NPAS3: variants seen among roughly 807,000 people sequenced by gnomAD.
NPAS3 encodes neuronal PAS domain-containing protein 3.
A neutral mutation model predicts 73.1 loss-of-function variants in NPAS3; 14 were observed. That is an observed-to-expected ratio of 0.19 (90% CI 0.13 to 0.30). NPAS3 has a LOEUF of 0.30. NPAS3 is among the 10% of genes least tolerant of loss of function. The pLI, the probability that NPAS3 is intolerant of heterozygous loss-of-function variation, is 1.00. For synonymous variants in NPAS3, 620 were observed against 541.5 expected, an observed-to-expected ratio of 1.14 and a Z score of -2.01; for missense variants, 1,096 against 1,250.0, an observed-to-expected ratio of 0.88 and a Z score of 1.86.
At chr14:33,664,169 A>T (rs1048533838) in intron 5 of NPAS3, among the ~76,000 whole-genome samples, 4 of 152,218 alleles carry the variant, frequency 2.6e-5, no homozygotes, top group Non-Finnish European at 5.9e-5. Flanking sequence ...ACCAAAACAG[A>T]TATACAGACC....
chr14:33,215,463 G>C (rs1445586163), intron 3 of NPAS3, 37 bp downstream of exon 3: 2 of 1,605,612 alleles, frequency 1.2e-6, no homozygotes. Context: ...GAATATGATG[G>C]TCTGTAGGGG....
At chr14:33,089,089 T>G (rs2042133130) in intron 2 of NPAS3, among the ~76,000 whole-genome samples, 2 of 138,752 alleles carry the variant, frequency 1.4e-5, no homozygotes, top group African/African-American at 5.8e-5. Flanking sequence ...AAAATCAGAG[T>G]GCCTCTCCCC....
rs1257236436 is a variant in NPAS3, at chr14:33,676,349, G to A, written c.697G>A (p.Ala233Thr). Reference sequence around the variant, plus strand: ...CACTGCTGAGGACGGAGCCAGCTCAGCATCTTCCTCCTCTCAGTCGGAGAC... The same window carrying A: ...CACTGCTGAGGACGGAGCCAGCTCAACATCTTCCTCCTCTCAGTCGGAGAC... The change falls in exon 6 of 12, where the codon GCA (alanine) becomes ACA (threonine). Residue 233 changes from alanine (A) to threonine (T), a missense_variant. By Grantham distance (58) the Ala-to-Thr change is moderately conservative (BLOSUM62 0). Transcript: ENST00000356141. 6 of 1,596,368 alleles carry A rather than the reference G, an allele frequency of 3.8e-6. No individual in the cohort carries two copies. The Admixed American group carries it at 5.4e-5, about 14-fold the overall frequency.
chr14:33,390,057 T>C (rs2046936219), intron 4 of NPAS3, among the ~76,000 whole-genome samples: 1 of 152,018 alleles, frequency 6.6e-6, no homozygotes, highest in African/African-American at 2.4e-5. Context: ...AAAAGAGAAA[T>C]ACAGAAGTAT....
intron 8 of NPAS3, among the ~76,000 whole-genome samples, chr14:33,775,723 A>G (rs1193207619): frequency 6.6e-6 from 1 of 152,222 alleles, no homozygotes; most frequent in Non-Finnish European, 1.5e-5. Context: ...GGCATTTATT[A>G]AAATGTTTAT....
intron 9 of NPAS3, among the ~76,000 whole-genome samples, chr14:33,784,751 T>TTTTTA (rs1555333520): frequency 1.4e-4 from 16 of 114,836 alleles, no homozygotes; most frequent in Admixed American, 4.3e-4. Flanking sequence ...ATTTATTTTT[T>TTTTTA]TTTTTTTTTT....
chr14:33,527,749 A>C (rs79849279), intron 4 of NPAS3, among the ~76,000 whole-genome samples: 7,362 of 152,226 alleles, frequency 0.048, 599 homozygotes, highest in African/African-American at 0.17. Flanking sequence ...ACAAAGGAGA[A>C]CTTGTGTTTG....
At chr14:33,780,945 G>T in intron 9 of NPAS3, 1 of 209,452 alleles carries the variant, frequency 4.8e-6, no homozygotes. Context: ...ACAATGATTG[G>T]GTTCATTCTT....
chr14:33,321,937 A>T (rs752354220), intron 3 of NPAS3, among the ~76,000 whole-genome samples: 1 of 152,154 alleles, frequency 6.6e-6, no homozygotes, highest in South Asian at 2.1e-4. Context: ...ATTTAGACAG[A>T]TAAGAGGTGG....
chr14:33,753,896 C>T (rs138260776), intron 7 of NPAS3, among the ~76,000 whole-genome samples: 74 of 152,282 alleles, frequency 4.9e-4, no homozygotes, highest in Middle Eastern at 6.8e-3. Flanking sequence ...TGAAGCTTGC[C>T]TCCCACAGTT....
chr14:32,985,933 C>T (rs1336479703), intron 1 of NPAS3, among the ~76,000 whole-genome samples: 1 of 152,182 alleles, frequency 6.6e-6, no homozygotes, highest in Non-Finnish European at 1.5e-5. Context: ...GTCCACGATT[C>T]TTCATAATTG....
At chr14:33,205,740 T>A (rs1045240118) in intron 2 of NPAS3, among the ~76,000 whole-genome samples, 2 of 152,182 alleles carry the variant, frequency 1.3e-5, no homozygotes, top group Non-Finnish European at 2.9e-5. Context: ...GTGCTATGTT[T>A]GCTAGTATTC....
chr14:33,166,254 C>G (rs1183786570), intron 2 of NPAS3, among the ~76,000 whole-genome samples: 1 of 152,210 alleles, frequency 6.6e-6, no homozygotes, highest in Non-Finnish European at 1.5e-5. Context: ...CTTTACTCCT[C>G]ACATAGCTGG....
intron 4 of NPAS3, among the ~76,000 whole-genome samples, chr14:33,439,719 T>G (rs901204296): frequency 2.6e-5 from 4 of 152,150 alleles, no homozygotes; most frequent in African/African-American, 7.2e-5. Context: ...AACTCGTCAG[T>G]GCTAATGGAC....
rs1185500585 is a variant in NPAS3 at position 33,800,208 on chromosome 14, C to T, written c.1901C>T (p.Pro634Leu). Residue 634 changes from proline to leucine, a missense_variant, in exon 12 of 12, where the codon CCG becomes CTG. Physicochemically the swap from Pro to Leu is moderately conservative, Grantham distance 98. This residue lies in a region of NPAS3 where 698 missense variants were observed against 676.7 expected (regional missense o/e 1.03). Transcript: ENST00000356141. This position sits in a 1 kb window ranked among gnomAD's most constrained non-coding sequence, Gnocchi z 6.5. ...CTGGACGCGGGCCTGGTGGAGCCCC[C>T]GCGGCTGCTGTCCTCCCCCAACAGT... 4 of 1,612,224 alleles carry T rather than the reference C, an allele frequency of 2.5e-6. No individual in the cohort carries two copies. The highest frequency in any genetic ancestry group is 1.7e-5 in the Admixed American group (1 of 59,936).
chr14:33,613,906 T>A (rs899774523), intron 5 of NPAS3, among the ~76,000 whole-genome samples: 13 of 152,182 alleles, frequency 8.5e-5, no homozygotes, highest in Non-Finnish European at 1.6e-4. Context: ...ATAGGGTAAT[T>A]ACCTGTGTGC....
chr14:33,008,480 A>C lies in NPAS3; in HGVS notation c.51-47425A>C, dbSNP rs141728690. Among the ~76,000 whole-genome samples, 1,340 of 152,334 alleles carry C rather than the reference A, an allele frequency of 8.8e-3. 24 individuals carry two copies. The highest frequency in any genetic ancestry group is 0.031 in the African/African-American group (1,285 of 41,582). The stretch of plus-strand genomic sequence containing the variant: ...TAACAGTGATTATCTCTGAGCAGAG[A>C]CTGGTCATAGGAGTGTTAGTCAAAG... On this transcript the variant is annotated intron_variant, in intron 1 of 11. Coordinates refer to ENST00000356141, the Ensembl canonical transcript of NPAS3.
chr14:33,468,685 G>T (rs186042633), intron 4 of NPAS3, among the ~76,000 whole-genome samples: 82 of 152,150 alleles, frequency 5.4e-4, no homozygotes, highest in African/African-American at 1.9e-3. Context: ...AAAGTACAAG[G>T]TCTTGCCTTA....
At chr14:33,245,510 C>CCCCCTTGCATTAAATATTA (rs2048344788) in intron 3 of NPAS3, among the ~76,000 whole-genome samples, 1 of 152,088 alleles carries the variant, frequency 6.6e-6, no homozygotes, top group Non-Finnish European at 1.5e-5. Flanking sequence ...TATCTGTTGA[C>CCCCCTTGCATTAAATATTA]AAGATATTAG....
Sources: allele counts gnomAD v4.1 joint callset (sites outside exome capture counted in the v4.1 genomes callset), GRCh38; gene constraint gnomAD v4.1.1; regional missense constraint gnomAD v4.1.1; non-coding constraint Gnocchi (gnomAD v3.1); transcripts MANE v1.5; gene names NCBI Gene and HGNC (gene_info 2026-07-23, HGNC 2026-07-21).